The following MKKS variants were observed in gnomAD, a reference collection of about 807,000 sequenced individuals.
MKKS encodes the protein MKKS centrosomal shuttling protein, also known as molecular chaperone MKKS.
Under a neutral mutation model 33.2 loss-of-function variants are expected in MKKS, and 29 were observed. The ratio of observed to expected loss-of-function variants is 0.87; its 90% CI spans 0.65 to 1.19. The LOEUF is 1.19. MKKS is among the 50% of genes most tolerant of loss of function. MKKS has a pLI of 0.00. For missense variants in MKKS, 661 were observed against 662.3 expected, an observed-to-expected ratio of 1.00 and a Z score of 0.02; for synonymous variants, 260 against 244.0, an observed-to-expected ratio of 1.07 and a Z score of -0.61.
At position 10,412,878 on chromosome 20, in the gene MKKS, T is replaced by C. The variant is rs371105498; in HGVS notation, c.637A>G (p.Thr213Ala). 3 of 1,614,032 alleles carry C rather than the reference T, an allele frequency of 1.9e-6. No homozygotes were observed. The highest frequency in any genetic ancestry group is 8.5e-7 in the Non-Finnish European group (1 of 1,180,030). ...PLKGQRVIDS[T>A]VLPGILIEMS... ...TCAATGAGTATCCCAGGTAATACAG[T>C]GGAATCTATAACTCTTTGACCTTTT... Residue 213 changes from threonine to alanine, a missense_variant, in exon 3 of 6, where the codon ACT becomes GCT. Physicochemically the swap from Thr to Ala is moderately conservative, Grantham distance 58. Transcript: ENST00000347364.
At chr20:10,409,007 G>C (rs1050822800) in intron 3 of MKKS, among the ~76,000 whole-genome samples, 1 of 152,164 alleles carries the variant, frequency 6.6e-6, no homozygotes, top group Non-Finnish European at 1.5e-5. Flanking sequence ...AAGTAAAGTA[G>C]AAGTTATTTT....
chr20:10,414,831 C>T (rs940497621), intron 2 of MKKS, among the ~76,000 whole-genome samples: 1 of 152,104 alleles, frequency 6.6e-6, no homozygotes, highest in African/African-American at 2.4e-5. Context: ...GTTTTAAACA[C>T]CTGGCTAAAG....
intron 3 of MKKS, among the ~76,000 whole-genome samples, chr20:10,409,639 A>T (rs1168033273): frequency 2.0e-5 from 3 of 152,122 alleles, no homozygotes; most frequent in South Asian, 4.1e-4. Context: ...CTCACCTTTA[A>T]AAGATGGTTT....
chr20:10,412,777 T>C lies in MKKS; in HGVS notation c.738A>G (p.Thr246=). The C allele has an allele frequency of 1.2e-6, 2 of 1,614,184 alleles. No individual in the cohort carries two copies. The highest frequency in any genetic ancestry group is 1.7e-6 in the Non-Finnish European group (2 of 1,180,032). Residue 246 remains threonine, a synonymous_variant, in exon 3 of 6, where the codon ACA becomes ACG. Transcript: ENST00000347364. ...STALKVALFC[T]TLSGDTSDTG... ...TGTCAGAAGTGTCTCCGGATAAAGTTGTACAAAAGAGTGCCACCTTGAGGG... is the reference window on the plus strand; with the variant it reads ...TGTCAGAAGTGTCTCCGGATAAAGTCGTACAAAAGAGTGCCACCTTGAGGG...
intron 1 of MKKS, among the ~76,000 whole-genome samples, chr20:10,433,793 G>A (rs149218811): frequency 6.6e-5 from 10 of 152,254 alleles, no homozygotes; most frequent in Non-Finnish European, 1.5e-4. Context: ...GGAGTCACAG[G>A]TTCGGCGTAG....
chr20:10,419,117 G>C (rs1039970448), intron 2 of MKKS, among the ~76,000 whole-genome samples: 2 of 152,056 alleles, frequency 1.3e-5, no homozygotes, highest in Non-Finnish European at 2.9e-5. Context: ...TCAGACCAAG[G>C]CTTATAAATA....
At chr20:10,421,266 C>T (rs1179053157) in intron 1 of MKKS, among the ~76,000 whole-genome samples, 1 of 140,030 alleles carries the variant, frequency 7.1e-6, no homozygotes, top group Non-Finnish European at 1.5e-5. Flanking sequence ...ATCGTTTCTA[C>T]TAAAAGTATT....
At chr20:10,412,156 G>T (rs939157745) in intron 3 of MKKS, among the ~76,000 whole-genome samples, 1 of 152,146 alleles carries the variant, frequency 6.6e-6, no homozygotes, top group Non-Finnish European at 1.5e-5. Flanking sequence ...GGTCATTCTA[G>T]TTACAAAATT....
chr20:10,410,991 T>C (rs1382994105), intron 3 of MKKS, among the ~76,000 whole-genome samples: 4 of 151,360 alleles, frequency 2.6e-5, no homozygotes, highest in African/African-American at 7.3e-5. Context: ...GGGAAAATGT[T>C]TGGTTTTTTT....
At chr20:10,415,691 CAT>C (rs1216449724) in intron 2 of MKKS, among the ~76,000 whole-genome samples, 1 of 151,848 alleles carries the variant, frequency 6.6e-6, no homozygotes, top group Non-Finnish European at 1.5e-5. Context: ...TTAAAACTTA[CAT>C]ACACACCCCA....
At position 10,413,220 on chromosome 20, in the gene MKKS, AAAG is replaced by A. The variant is rs2064908262; in HGVS notation, c.292_294del (p.Leu98del). The A allele has an allele frequency of 1.2e-6, 2 of 1,614,112 alleles. No individual in the cohort carries two copies. Among genetic ancestry groups the A allele is most frequent in the Non-Finnish European group, 1.7e-6 (2 of 1,180,030 alleles). ...TGAACATTTTCAATCAGGTTGCAGCAAAGAATAGCTGTGAATAAGCCACAATCA... is the reference window on the plus strand; with the variant it reads ...TGAACATTTTCAATCAGGTTGCAGCAAATAGCTGTGAATAAGCCACAATCA... On this transcript the variant is annotated inframe_deletion, in exon 3 of 6. Coordinates refer to ENST00000347364, the MANE Select transcript of MKKS (RefSeq NM_170784.3).
chr20:10,405,110 G>C lies in MKKS; in HGVS notation c.*137C>G, dbSNP rs531109987. On this transcript the variant is annotated 3_prime_UTR_variant, in exon 6 of 6. Transcript: ENST00000347364. ...GAATCACCTTTTTTCCTAAATAAGTGTATCTATAATTTTATGAGTCATTTG... is the reference window on the plus strand; with the variant it reads ...GAATCACCTTTTTTCCTAAATAAGTCTATCTATAATTTTATGAGTCATTTG... 1.6e-6 allele frequency: 1 copy of C among 628,688 alleles called. No individual in the cohort carries two copies. The highest frequency in any genetic ancestry group is 2.5e-5 in the South Asian group (1 of 39,966). 38.9% of individuals were successfully genotyped at this position (628,688 alleles called of 1,614,324 possible).
Position 10,413,369 on chromosome 20 carries a change from C to T in MKKS, c.146G>A (p.Gly49Asp), listed in dbSNP as rs528833454. 1.9e-6 allele frequency: 3 copies of T among 1,613,426 alleles called. No homozygotes were observed. In the South Asian group the frequency reaches 3.3e-5, roughly 18 times the overall value. Residue 49 changes from glycine to aspartate, a missense_variant, in exon 3 of 6, where the codon GGC becomes GAC. Gly to Asp is a moderately conservative substitution (Grantham distance 94). Coordinates refer to ENST00000347364, the MANE Select transcript of MKKS (RefSeq NM_170784.3). The stretch of plus-strand genomic sequence containing the variant: ...GGTTGTACACACGTAACCTCCAAAG[C>T]CATTGTGCAGCTGCTTCAGCCTACC... ...PSGRLKQLHN[G>D]FGGYVCTTSQ...
chr20:10,411,748 G>T (rs965996225), intron 3 of MKKS, among the ~76,000 whole-genome samples: 1 of 152,160 alleles, frequency 6.6e-6, no homozygotes, highest in Admixed American at 6.5e-5. Context: ...CAGACTAAAT[G>T]ATCATCTTTC....
intron 2 of MKKS, among the ~76,000 whole-genome samples, chr20:10,418,871 C>T (rs909676085): frequency 6.6e-6 from 1 of 152,066 alleles, no homozygotes; most frequent in African/African-American, 2.4e-5. Context: ...CTAATAAATT[C>T]TCTAACTCCC....
intron 1 of MKKS, among the ~76,000 whole-genome samples, chr20:10,427,687 A>G (rs1345230327): frequency 6.6e-6 from 1 of 152,228 alleles, no homozygotes; most frequent in Non-Finnish European, 1.5e-5. Flanking sequence ...ATGAACTGAC[A>G]TGGTAAACAG....
intron 2 of MKKS, 43 bp from the exon 3 acceptor site, chr20:10,413,974 A>G (rs925409103): frequency 2.5e-6 from 1 of 402,042 alleles, no homozygotes; most frequent in African/African-American, 2.1e-5. Context: ...ATACTTCCCA[A>G]GCAGTTTGTA....
At chr20:10,409,247 T>A (rs906284201) in intron 3 of MKKS, among the ~76,000 whole-genome samples, 2 of 152,178 alleles carry the variant, frequency 1.3e-5, no homozygotes. Flanking sequence ...AATGCTGCTA[T>A]CCAAATAGTT....
intron 3 of MKKS, among the ~76,000 whole-genome samples, chr20:10,409,598 C>A (rs932544717): frequency 6.6e-6 from 1 of 152,108 alleles, no homozygotes; most frequent in Non-Finnish European, 1.5e-5. Context: ...GAGCCATTCA[C>A]CCCTTTCAGC....
Sources: allele counts gnomAD v4.1 joint callset (sites outside exome capture counted in the v4.1 genomes callset), GRCh38; gene constraint gnomAD v4.1.1; transcripts MANE v1.5; gene names NCBI Gene and HGNC (gene_info 2026-07-23, HGNC 2026-07-21).